HRH1: variants seen among roughly 807,000 people sequenced by gnomAD.
HRH1 encodes the protein histamine receptor H1.
Under a neutral mutation model 10.3 loss-of-function variants are expected in HRH1, and 6 were observed. The observed-to-expected ratio is 0.58, with a 90% confidence interval of 0.32 to 1.15. The LOEUF is 1.15. HRH1 is among the 50% of genes most tolerant of loss of function. The probability of loss-of-function intolerance (pLI) is 0.05; values close to 1 mark genes in which losing one functional copy is unlikely to be tolerated. For missense variants in HRH1, 514 were observed against 615.3 expected (o/e 0.84, Z 1.74); for synonymous variants, 242 against 236.7 (o/e 1.02, Z -0.21).
At position 11,226,943 on chromosome 3, in the gene HRH1, T is replaced by C. The variant is rs1938902455; in HGVS notation, c.-35-32060T>C. 3.3e-5 allele frequency among the ~76,000 whole-genome samples: 5 copies of C among 151,920 alleles called. No homozygotes were observed. In the South Asian group the frequency reaches 1.0e-3, roughly 32 times the overall value. ...TAGACTTTATTTGGGTTGTTACCCT[T>C]GTATCACACATGTGGGGCCAGGGTG... On this transcript the variant is annotated intron_variant, in intron 1 of 1. Coordinates refer to ENST00000431010, the MANE Select transcript of HRH1 (RefSeq NM_001098212.2).
At chr3:11,186,454 A>T (rs1041583140) in intron 1 of HRH1, among the ~76,000 whole-genome samples, 3 of 152,218 alleles carry the variant, frequency 2.0e-5, no homozygotes, top group Non-Finnish European at 4.4e-5. Flanking sequence ...CATTATTATT[A>T]TAACCATTTT....
intron 1 of HRH1, among the ~76,000 whole-genome samples, chr3:11,205,492 G>T (rs902786500): frequency 6.6e-6 from 1 of 152,036 alleles, no homozygotes; most frequent in South Asian, 2.1e-4. Flanking sequence ...CTCTGAACTG[G>T]GATAACAACA....
At chr3:11,218,027 T>C (rs1411499629) in intron 1 of HRH1, among the ~76,000 whole-genome samples, 4 of 152,112 alleles carry the variant, frequency 2.6e-5, no homozygotes, top group Non-Finnish European at 1.5e-5. Context: ...CCAGATTCTT[T>C]CAAGGAAAAA....
chr3:11,233,068 T>C lies in HRH1; in HGVS notation c.-35-25935T>C, dbSNP rs548191783. The stretch of plus-strand genomic sequence containing the variant: ...TTCATTTTCAAGAGTTTAATTATTA[T>C]GTGCTTTGATGTATATTTGGGGGGC... On this transcript the variant is annotated intron_variant, in intron 1 of 1. Transcript: ENST00000431010. Among the ~76,000 whole-genome samples the C allele has an allele frequency of 2.6e-5, 4 of 152,248 alleles. No homozygotes were observed. The East Asian group carries it at 7.7e-4, about 29-fold the overall frequency.
intron 1 of HRH1, among the ~76,000 whole-genome samples, chr3:11,174,079 A>G (rs1483051748): frequency 6.6e-6 from 1 of 152,234 alleles, no homozygotes; most frequent in Non-Finnish European, 1.5e-5. Context: ...AAGCCTTCAC[A>G]TCTTGCCCAG....
chr3:11,178,520 T>A (rs773533824), intron 1 of HRH1, among the ~76,000 whole-genome samples: 19 of 152,244 alleles, frequency 1.2e-4, no homozygotes, highest in Non-Finnish European at 1.9e-4. Flanking sequence ...GCCTGTGATC[T>A]TTCTGCAGCG....
intron 1 of HRH1, among the ~76,000 whole-genome samples, chr3:11,208,666 T>C (rs1465812445): frequency 6.6e-6 from 1 of 152,236 alleles, no homozygotes; most frequent in East Asian, 1.9e-4. Context: ...CGTTTTGTCA[T>C]CTTCTTAATT....
intron 1 of HRH1, among the ~76,000 whole-genome samples, chr3:11,210,401 T>A (rs1373412258): frequency 6.6e-6 from 1 of 151,568 alleles, no homozygotes; most frequent in Non-Finnish European, 1.5e-5. Context: ...CTCAAAAAAA[T>A]AAATAAATAA....
At chr3:11,207,934 A>G (rs1938195162) in intron 1 of HRH1, among the ~76,000 whole-genome samples, 2 of 152,198 alleles carry the variant, frequency 1.3e-5, no homozygotes, top group Admixed American at 1.3e-4. Context: ...AACTGGGTCA[A>G]TGGGTAAATA....
At chr3:11,183,051 C>T (rs1277932533) in intron 1 of HRH1, among the ~76,000 whole-genome samples, 1 of 152,232 alleles carries the variant, frequency 6.6e-6, no homozygotes, top group Non-Finnish European at 1.5e-5. Context: ...AAGATGCACT[C>T]CTCCCGCCCC....
At chr3:11,182,425 A>G (rs1490189001) in intron 1 of HRH1, among the ~76,000 whole-genome samples, 1 of 152,220 alleles carries the variant, frequency 6.6e-6, no homozygotes, top group Non-Finnish European at 1.5e-5. Flanking sequence ...GTTAGCTGTT[A>G]CCATTAATAG....
Position 11,163,176 on chromosome 3 carries a change from A to C in HRH1, c.-36+8622A>C, listed in dbSNP as rs1936959707. ...TTTCCCGAGCTCCTCCCCACTGTGCATCACCCCATCCCAGCCTCAACGTAG... is the reference window on the plus strand; with the variant it reads ...TTTCCCGAGCTCCTCCCCACTGTGCCTCACCCCATCCCAGCCTCAACGTAG... On this transcript the variant is annotated intron_variant, in intron 1 of 1. Transcript: ENST00000431010. 2.0e-5 allele frequency among the ~76,000 whole-genome samples: 3 copies of C among 152,022 alleles called. No homozygotes were observed. In the South Asian group the frequency reaches 6.2e-4, roughly 32 times the overall value.
intron 1 of HRH1, among the ~76,000 whole-genome samples, chr3:11,211,558 T>C (rs1285666193): frequency 6.6e-6 from 1 of 152,228 alleles, no homozygotes; most frequent in African/African-American, 2.4e-5. Flanking sequence ...AGCTGTGGCT[T>C]GTATCCAAGA....
intron 1 of HRH1, among the ~76,000 whole-genome samples, chr3:11,235,477 C>T (rs207462995): frequency 5.9e-5 from 9 of 152,194 alleles, no homozygotes; most frequent in African/African-American, 1.9e-4. Flanking sequence ...GCGTGGCTTC[C>T]TCACTGTTGC....
intron 1 of HRH1, among the ~76,000 whole-genome samples, chr3:11,213,301 A>G (rs539176709): frequency 6.6e-6 from 1 of 152,330 alleles, no homozygotes; most frequent in South Asian, 2.1e-4. Flanking sequence ...GAATTAATGA[A>G]TTCATTAATG....
At chr3:11,244,252 T>C (rs914330667) in intron 1 of HRH1, among the ~76,000 whole-genome samples, 2 of 152,202 alleles carry the variant, frequency 1.3e-5, no homozygotes, top group Non-Finnish European at 2.9e-5. Context: ...CACCTTTATT[T>C]TAAGGCTGTT....
intron 1 of HRH1, among the ~76,000 whole-genome samples, chr3:11,235,647 C>A (rs1939161446): frequency 6.6e-6 from 1 of 152,230 alleles, no homozygotes; most frequent in African/African-American, 2.4e-5. Context: ...CAAGTCCCGG[C>A]TCCCTGCTAG....
At chr3:11,232,550 G>T (rs529652685) in intron 1 of HRH1, among the ~76,000 whole-genome samples, 2 of 152,170 alleles carry the variant, frequency 1.3e-5, no homozygotes, top group African/African-American at 4.8e-5. Context: ...TAGTAGTTTT[G>T]AAATTGGGTA....
intron 1 of HRH1, among the ~76,000 whole-genome samples, chr3:11,233,453 C>T (rs550642260): frequency 5.9e-5 from 9 of 152,044 alleles, no homozygotes; most frequent in Non-Finnish European, 1.0e-4. Context: ...AATCATGTTT[C>T]CTTTTAATTG....
Sources: allele counts gnomAD v4.1 joint callset (sites outside exome capture counted in the v4.1 genomes callset), GRCh38; gene constraint gnomAD v4.1.1; transcripts MANE v1.5; gene names NCBI Gene and HGNC (gene_info 2026-07-23, HGNC 2026-07-21).